ZNF423: variants seen among roughly 807,000 people sequenced by gnomAD.
ZNF423 encodes the protein Ebf-associated zinc finger protein.
Under a neutral mutation model 95.8 loss-of-function variants are expected in ZNF423, and 12 were observed. The observed-to-expected ratio is 0.13, with a 90% CI of 0.08 to 0.20. ZNF423 has a LOEUF of 0.20. ZNF423 is among the 10% of genes least tolerant of loss of function. The pLI, the probability that ZNF423 is intolerant of heterozygous loss-of-function variation, is 1.00. For synonymous variants in ZNF423, 749 were observed against 711.9 expected (o/e 1.05, Z -0.83); for missense variants, 1,316 against 1,737.1 (o/e 0.76, Z 4.31).
intron 7 of ZNF423, chr16:49,518,691 G>A: frequency 2.8e-6 from 1 of 355,122 alleles, no homozygotes; most frequent in Non-Finnish European, 5.3e-6. Context: ...CCTTTTTCCA[G>A]AATGTCATGT....
intron 3 of ZNF423, among the ~76,000 whole-genome samples, chr16:49,685,909 C>G (rs1446169102): frequency 6.6e-6 from 1 of 152,200 alleles, no homozygotes; most frequent in Admixed American, 6.5e-5. Flanking sequence ...TACCACCAAT[C>G]CCCCCAACAT....
At chr16:49,710,423 T>C (rs1460352305) in intron 3 of ZNF423, among the ~76,000 whole-genome samples, 1 of 152,224 alleles carries the variant, frequency 6.6e-6, no homozygotes. Context: ...CAAATGGAAC[T>C]GCATTTTCAT....
intron 1 of ZNF423, among the ~76,000 whole-genome samples, chr16:49,816,738 C>T (rs886376488): frequency 3.9e-5 from 6 of 152,114 alleles, no homozygotes; most frequent in African/African-American, 7.2e-5. Context: ...GAGCTATAAT[C>T]ATGCCACTGC....
At chr16:49,795,732 C>A (rs1057509652) in intron 1 of ZNF423, among the ~76,000 whole-genome samples, 1 of 152,226 alleles carries the variant, frequency 6.6e-6, no homozygotes. Flanking sequence ...AGACTCCCAG[C>A]TGTCCTGGGA....
intron 3 of ZNF423, among the ~76,000 whole-genome samples, chr16:49,718,110 C>A (rs1157471099): frequency 6.6e-6 from 1 of 152,154 alleles, no homozygotes; most frequent in Non-Finnish European, 1.5e-5. Context: ...TCCCAGCACA[C>A]AGTAGATGCT....
chr16:49,767,903 G>A (rs1258830391), intron 2 of ZNF423, among the ~76,000 whole-genome samples: 1 of 152,194 alleles, frequency 6.6e-6, no homozygotes, highest in Non-Finnish European at 1.5e-5. Context: ...CTTACGTCGG[G>A]TCCTCCCCAC....
chr16:49,549,544 C>A (rs894907807), intron 5 of ZNF423, among the ~76,000 whole-genome samples: 1 of 152,130 alleles, frequency 6.6e-6, no homozygotes, highest in African/African-American at 2.4e-5. Context: ...GTTGGCTGAC[C>A]GAGAAGGTGA....
chr16:49,637,004 G>T lies in ZNF423; in HGVS notation c.2172C>A (p.Thr724=), dbSNP rs1972750576. Residue 724 remains threonine, a synonymous_variant, in exon 4 of 8, where the codon ACC becomes ACA. Transcript: ENST00000563137. This position sits in a 1 kb window ranked among gnomAD's most constrained non-coding sequence, Gnocchi z 5.6. ...ACAGGGTGCAGTGGTACAACACAAA[G>T]GTGTGCATGTCCAGCAGGTGCTTCT... ...DLQKHLLDMH[T]FVLYHCTLCQ... 3.7e-6 allele frequency: 6 copies of T among 1,613,952 alleles called. No individual in the cohort carries two copies. The highest frequency in any genetic ancestry group is 4.2e-6 in the Non-Finnish European group (5 of 1,180,042).
At chr16:49,520,967 G>A (rs1439968714) in intron 7 of ZNF423, among the ~76,000 whole-genome samples, 6 of 152,200 alleles carry the variant, frequency 3.9e-5, no homozygotes, top group Non-Finnish European at 8.8e-5. Flanking sequence ...TAATTTAGCG[G>A]TTTCTCAGTA....
At chr16:49,631,791 G>C (rs1399150956) in intron 4 of ZNF423, among the ~76,000 whole-genome samples, 1 of 152,226 alleles carries the variant, frequency 6.6e-6, no homozygotes, top group Admixed American at 6.5e-5. Flanking sequence ...CTTGCCATGT[G>C]TGGGCAGCAT....
At chr16:49,771,032 G>A (rs1328382252) in intron 2 of ZNF423, among the ~76,000 whole-genome samples, 2 of 152,148 alleles carry the variant, frequency 1.3e-5, no homozygotes, top group Non-Finnish European at 2.9e-5. Flanking sequence ...CTTCCCCTCT[G>A]CCAAGGCCCA....
chr16:49,551,029 A>T (rs1567461283), intron 5 of ZNF423, among the ~76,000 whole-genome samples: 1 of 152,200 alleles, frequency 6.6e-6, no homozygotes, highest in Non-Finnish European at 1.5e-5. Flanking sequence ...CACAGGCAGA[A>T]TCAGCACCAT....
Position 49,491,251 on chromosome 16 carries a change from A to C in ZNF423, c.*24T>G. 6.2e-7 allele frequency: 1 copy of C among 1,614,060 alleles called. No individual in the cohort carries two copies. Among genetic ancestry groups the C allele is most frequent in the Non-Finnish European group, 8.5e-7 (1 of 1,180,010 alleles). On this transcript the variant is annotated 3_prime_UTR_variant, in exon 8 of 8. Coordinates refer to ENST00000563137, the MANE Select transcript of ZNF423 (RefSeq NM_001379286.1). Reference sequence around the variant, plus strand: ...GGCGTCTCCGGCAAGCCTTCTGCGGAGAGGTGTCCTGTTGAGCGATCCCTC... The same window carrying C: ...GGCGTCTCCGGCAAGCCTTCTGCGGCGAGGTGTCCTGTTGAGCGATCCCTC...
chr16:49,639,037 G>A (rs1194396843), intron 3 of ZNF423, among the ~76,000 whole-genome samples, 163 bp from the exon 4 acceptor site: 1 of 152,214 alleles, frequency 6.6e-6, no homozygotes, highest in Non-Finnish European at 1.5e-5. Flanking sequence ...GTGGACACCA[G>A]GGCCTTCCTG....
intron 2 of ZNF423, among the ~76,000 whole-genome samples, chr16:49,781,266 A>G (rs148849550): frequency 3.5e-3 from 529 of 152,344 alleles, no homozygotes; most frequent in Non-Finnish European, 5.5e-3. Flanking sequence ...TCATGGCATT[A>G]TTTACAACAG....
chr16:49,703,301 G>A (rs1248072931), intron 3 of ZNF423, among the ~76,000 whole-genome samples: 3 of 152,202 alleles, frequency 2.0e-5, no homozygotes, highest in Non-Finnish European at 4.4e-5. Flanking sequence ...TTCCTTCATT[G>A]AATTTTTTTT....
chr16:49,800,100 T>A (rs1327432510), intron 1 of ZNF423, among the ~76,000 whole-genome samples: 3 of 152,162 alleles, frequency 2.0e-5, no homozygotes, highest in Non-Finnish European at 4.4e-5. Context: ...AAAAATTAGC[T>A]GGGCATATGG....
chr16:49,811,796 C>A (rs182926396), intron 1 of ZNF423, among the ~76,000 whole-genome samples: 7 of 151,760 alleles, frequency 4.6e-5, no homozygotes, highest in Admixed American at 3.3e-4. Flanking sequence ...CCAGGCCCCG[C>A]CTGACCGCCC....
chr16:49,819,869 A>G (rs2034913649), intron 1 of ZNF423, among the ~76,000 whole-genome samples: 1 of 152,224 alleles, frequency 6.6e-6, no homozygotes, highest in Admixed American at 6.5e-5. Context: ...AATAAATTAC[A>G]TGAGATATTC....
Sources: gnomAD v4.1 joint callset for allele counts (sites outside exome capture counted in the v4.1 genomes callset) on GRCh38, gnomAD v4.1.1 for gene constraint, Gnocchi (gnomAD v3.1) non-coding constraint, MANE v1.5 for transcripts, NCBI Gene and HGNC (gene_info 2026-07-23, HGNC 2026-07-21) for gene names.